The following TMEM108 variants were observed in gnomAD, a reference collection of about 807,000 sequenced individuals.
TMEM108 encodes the protein transmembrane protein 108.
TMEM108 carries 12 observed loss-of-function variants against 35.1 expected under a neutral mutation model. That is an observed-to-expected ratio of 0.34 (90% CI 0.22 to 0.55). The LOEUF (loss-of-function observed/expected upper bound fraction) is 0.55. TMEM108 is among the 20% of genes least tolerant of loss of function. TMEM108 has a pLI of 0.89. For synonymous variants in TMEM108, 287 were observed against 308.6 expected (o/e 0.93, Z 0.73); for missense variants, 680 against 753.3 (o/e 0.90, Z 1.14).
chr3:133,080,998 G>A (rs899783905), intron 2 of TMEM108, among the ~76,000 whole-genome samples: 2 of 152,168 alleles, frequency 1.3e-5, no homozygotes, highest in African/African-American at 4.8e-5. Context: ...CCAGATGGGT[G>A]ATCTTGGGTA....
At chr3:133,186,660 A>G (rs983212380) in intron 2 of TMEM108, among the ~76,000 whole-genome samples, 1 of 152,242 alleles carries the variant, frequency 6.6e-6, no homozygotes, top group African/African-American at 2.4e-5. Flanking sequence ...TGGAAAGAAC[A>G]TGTGAGGAAA....
chr3:133,235,334 G>A (rs62282263), intron 3 of TMEM108, among the ~76,000 whole-genome samples: 47,426 of 150,326 alleles, frequency 0.32, 7,547 homozygotes, highest in East Asian at 0.46. Context: ...GAGGCATCAC[G>A]CTACCTGACT....
intron 2 of TMEM108, among the ~76,000 whole-genome samples, chr3:133,154,476 G>C (rs1011433922): frequency 6.6e-6 from 1 of 152,110 alleles, no homozygotes; most frequent in African/African-American, 2.4e-5. Flanking sequence ...GTCCAACAAC[G>C]ATAGACTGGA....
chr3:133,160,591 C>A (rs1486925463), intron 2 of TMEM108, among the ~76,000 whole-genome samples: 1 of 152,244 alleles, frequency 6.6e-6, no homozygotes. Flanking sequence ...CTTGGGCTGC[C>A]ACTTTCAAAT....
At chr3:133,149,124 C>T (rs1944761730) in intron 2 of TMEM108, among the ~76,000 whole-genome samples, 1 of 152,102 alleles carries the variant, frequency 6.6e-6, no homozygotes, top group Non-Finnish European at 1.5e-5. Context: ...AAAGAATGAC[C>T]AATAGGAGCT....
intron 3 of TMEM108, among the ~76,000 whole-genome samples, chr3:133,257,776 ACTTCAG>A (rs1207066330): frequency 1.3e-5 from 2 of 152,172 alleles, no homozygotes; most frequent in African/African-American, 4.8e-5. Context: ...CTAGTTGTAA[ACTTCAG>A]CCAGTTGTCT....
chr3:133,332,507 G>C (rs533955361), intron 3 of TMEM108, among the ~76,000 whole-genome samples: 1 of 152,314 alleles, frequency 6.6e-6, no homozygotes, highest in South Asian at 2.1e-4. Context: ...TGACACACAG[G>C]GACCAGAGAG....
At chr3:133,245,448 G>C (rs1385665363) in intron 3 of TMEM108, among the ~76,000 whole-genome samples, 1 of 152,162 alleles carries the variant, frequency 6.6e-6, no homozygotes, top group Non-Finnish European at 1.5e-5. Context: ...TACAGCCCCA[G>C]GACCTCCCCA....
In TMEM108 at chr3:133,392,996, C is replaced by T. The variant is rs1290789904; in HGVS notation, c.1605+2662C>T. On this transcript the variant is annotated intron_variant, in intron 5 of 5. Coordinates refer to ENST00000321871, the MANE Select transcript of TMEM108 (RefSeq NM_023943.4). ...TCTTCTCTACATTTTGAATAAAATC[C>T]AGACTCCCATTCTCATGCCCTTCAC... 2.6e-5 allele frequency among the ~76,000 whole-genome samples: 4 copies of T among 152,322 alleles called. No individual in the cohort carries two copies. The East Asian group carries it at 7.7e-4, about 29-fold the overall frequency.
At chr3:133,105,957 C>G (rs1386407333) in intron 2 of TMEM108, among the ~76,000 whole-genome samples, 1 of 152,136 alleles carries the variant, frequency 6.6e-6, no homozygotes, top group African/African-American at 2.4e-5. Flanking sequence ...AAAGGTCCTT[C>G]TAAAGGCACG....
chr3:133,078,946 T>G (rs1265681825), intron 2 of TMEM108, among the ~76,000 whole-genome samples: 1 of 152,204 alleles, frequency 6.6e-6, no homozygotes, highest in Non-Finnish European at 1.5e-5. Flanking sequence ...GTTAAGATGC[T>G]TAAAACATGA....
At chr3:133,122,645 C>T (rs1158560204) in intron 2 of TMEM108, among the ~76,000 whole-genome samples, 1 of 151,918 alleles carries the variant, frequency 6.6e-6, no homozygotes. Context: ...GTGGACGGAT[C>T]GAGGTCAGGA....
intron 2 of TMEM108, among the ~76,000 whole-genome samples, chr3:133,108,559 T>C (rs1046347923): frequency 6.7e-6 from 1 of 150,112 alleles, no homozygotes; most frequent in Non-Finnish European, 1.5e-5. Context: ...TTTTCTCCCA[T>C]TTTGTAGGTT....
At chr3:133,235,390 A>G (rs569475723) in intron 3 of TMEM108, among the ~76,000 whole-genome samples, 1 of 152,106 alleles carries the variant, frequency 6.6e-6, no homozygotes, top group East Asian at 1.9e-4. Context: ...GCATGGTACT[A>G]GTACCAAAAC....
intron 2 of TMEM108, among the ~76,000 whole-genome samples, chr3:133,150,629 T>C (rs867377730): frequency 6.6e-6 from 1 of 152,076 alleles, no homozygotes; most frequent in South Asian, 2.1e-4. Context: ...TAAGAATAAT[T>C]AGAGAATTAG....
At chr3:133,137,077 T>G (rs1944574881) in intron 2 of TMEM108, among the ~76,000 whole-genome samples, 1 of 152,214 alleles carries the variant, frequency 6.6e-6, no homozygotes, top group African/African-American at 2.4e-5. Context: ...TATTCCTACA[T>G]CTGCATAGAG....
At chr3:133,376,626 C>A (rs1489757054) in intron 3 of TMEM108, among the ~76,000 whole-genome samples, 3 of 152,136 alleles carry the variant, frequency 2.0e-5, no homozygotes, top group Non-Finnish European at 4.4e-5. Flanking sequence ...GGTGAGTGTT[C>A]TTTTCAGGCA....
intron 3 of TMEM108, among the ~76,000 whole-genome samples, chr3:133,270,769 T>A (rs1043479361): frequency 4.0e-5 from 6 of 151,312 alleles, no homozygotes; most frequent in East Asian, 2.0e-4. Context: ...CTGTTTTTTT[T>A]ATAAGACTGC....
At chr3:133,267,540 A>G (rs1023284121) in intron 3 of TMEM108, among the ~76,000 whole-genome samples, 1 of 152,222 alleles carries the variant, frequency 6.6e-6, no homozygotes, top group African/African-American at 2.4e-5. Flanking sequence ...ATTGCTGCAT[A>G]ACAAATTACC....
Sources: allele counts gnomAD v4.1 joint callset (sites outside exome capture counted in the v4.1 genomes callset), GRCh38; gene constraint gnomAD v4.1.1; transcripts MANE v1.5; gene names NCBI Gene and HGNC (gene_info 2026-07-23, HGNC 2026-07-21).